HINT3: variants seen among roughly 807,000 people sequenced by gnomAD.
The protein encoded by HINT3 is histidine triad nucleotide binding protein 3.
In HINT3, 16 loss-of-function variants were observed where a neutral mutation model predicts 19.1. The ratio of observed to expected loss-of-function variants is 0.84; its 90% CI spans 0.57 to 1.27. The LOEUF (loss-of-function observed/expected upper bound fraction) is 1.27. Among genes scored for constraint, HINT3 ranks in the 50% most tolerant of loss-of-function variants. The probability of loss-of-function intolerance (pLI) is 0.00; values close to 1 mark genes in which losing one functional copy is unlikely to be tolerated. For missense variants in HINT3, 197 were observed against 225.8 expected, an observed-to-expected ratio of 0.87 and a Z score of 0.82; for synonymous variants, 75 against 84.8, an observed-to-expected ratio of 0.88 and a Z score of 0.63.
intron 3 of HINT3, among the ~76,000 whole-genome samples, chr6:125,973,126 A>G (rs961373787): frequency 1.8e-5 from 2 of 109,830 alleles, no homozygotes; most frequent in Non-Finnish European, 3.3e-5. Context: ...CCCAGGCTGG[A>G]GTGCAGTGGT....
chr6:125,972,871 G>T (rs1387751837), intron 3 of HINT3, among the ~76,000 whole-genome samples: 3 of 152,054 alleles, frequency 2.0e-5, no homozygotes, highest in East Asian at 1.9e-4. Context: ...GATTACAGGT[G>T]TGAGTCACCA....
chr6:125,956,796 G>T lies in HINT3; in HGVS notation c.-182G>T, dbSNP rs1788838527. 3 of 679,676 alleles carry T rather than the reference G, an allele frequency of 4.4e-6. No homozygotes were observed. The highest frequency in any genetic ancestry group is 7.3e-6 in the Non-Finnish European group (3 of 411,706). 42.1% of individuals were successfully genotyped at this position (679,676 alleles called of 1,614,324 possible). A position where few individuals can be genotyped will look rare whatever the true frequency, so the allele number is the denominator to read the frequency against. ...TCTAGTGGCAGCCGGTTTTGAGGCC[G>T]GCCTCCGGCTTTGAAGTTCCTCACC... On this transcript the variant is annotated 5_prime_UTR_variant, in exon 1 of 5. Transcript: ENST00000229633.
intron 2 of HINT3, among the ~76,000 whole-genome samples, chr6:125,970,912 A>G (rs903874553): frequency 1.3e-5 from 2 of 152,184 alleles, no homozygotes; most frequent in Admixed American, 6.5e-5. Flanking sequence ...TTTGGACTCT[A>G]TGGTACTGAC....
intron 3 of HINT3, 61 bp downstream of exon 3, chr6:125,972,389 T>C (rs1485207879): frequency 4.9e-6 from 5 of 1,025,996 alleles, no homozygotes; most frequent in Non-Finnish European, 4.2e-6. Context: ...CAAAATGTCA[T>C]TTCTCCATGG....
intron 1 of HINT3, among the ~76,000 whole-genome samples, chr6:125,964,373 A>T (rs186745484): frequency 3.4e-5 from 5 of 147,366 alleles, no homozygotes; most frequent in Admixed American, 2.8e-4. Context: ...TCTAGCATCC[A>T]TTCTCTTGTC....
At chr6:125,974,198 T>C (rs1250145810) in intron 3 of HINT3, among the ~76,000 whole-genome samples, 1 of 152,238 alleles carries the variant, frequency 6.6e-6, no homozygotes, top group East Asian at 1.9e-4. Flanking sequence ...AAAATTTTTG[T>C]AAGCTTATTT....
chr6:125,962,227 TATATATACAC>T (rs1562212153), intron 1 of HINT3, among the ~76,000 whole-genome samples: 10 of 37,158 alleles, frequency 2.7e-4, no homozygotes, highest in African/African-American at 9.0e-4. Context: ...TATATATATA[TATATATACAC>T]ATATATATAT....
rs554638960 is a variant in HINT3 at position 125,966,962 on chromosome 6, A to G, written c.277A>G (p.Ile93Val). 21 of 1,613,058 alleles carry G rather than the reference A, an allele frequency of 1.3e-5. No homozygotes were observed. The South Asian group carries it at 2.2e-4, about 17-fold the overall frequency. The change falls in exon 2 of 5, where the codon ATT (isoleucine) becomes GTT (valine). Residue 93 changes from isoleucine (I) to valine (V), a missense_variant. Physicochemically the swap from Ile to Val is conservative, Grantham distance 29. Transcript: ENST00000229633. ...HHYLVVPKKHIGNCRTLRKDQ... is the reference protein window; with the variant it reads ...HHYLVVPKKHVGNCRTLRKDQ... ...TTATCTTGTGGTGCCAAAGAAGCAT[A>G]TTGGAAACTGCAGAACTCTAAGGAA...
chr6:125,976,671 C>T (rs978874308), intron 4 of HINT3, among the ~76,000 whole-genome samples: 1 of 151,216 alleles, frequency 6.6e-6, no homozygotes, highest in Non-Finnish European at 1.5e-5. Flanking sequence ...ATAGGAAATA[C>T]TTTTTTACTT....
intron 2 of HINT3, 131 bp downstream of exon 2, chr6:125,967,135 A>C (rs1437322973): frequency 9.1e-6 from 5 of 546,526 alleles, no homozygotes; most frequent in Non-Finnish European, 1.6e-5. Context: ...TGAAATTTTC[A>C]CTATAAAGAA....
chr6:125,977,517 T>C (rs973332076), intron 4 of HINT3, 127 bp from the exon 5 acceptor site: 4 of 438,092 alleles, frequency 9.1e-6, no homozygotes, highest in African/African-American at 4.1e-5. Context: ...TTTTGTAAGA[T>C]ATTTTTAGGA....
At chr6:125,959,639 C>G (rs1020437229) in intron 1 of HINT3, among the ~76,000 whole-genome samples, 1 of 152,176 alleles carries the variant, frequency 6.6e-6, no homozygotes, top group Non-Finnish European at 1.5e-5. Flanking sequence ...ACAGACAACT[C>G]TCACAGGAAT....
In HINT3 at chr6:125,978,255, T is replaced by C. The variant is rs1789204346; in HGVS notation, c.*579T>C. ...TTCACTTTTTGAAGCATTGCATCTT[T>C]TTAATAAATCTATCCTGAAAGCTAT... On this transcript the variant is annotated 3_prime_UTR_variant, in exon 5 of 5. Coordinates refer to ENST00000229633, the MANE Select transcript of HINT3 (RefSeq NM_138571.5). 6.6e-6 allele frequency: 1 copy of C among 152,088 alleles called. No individual in the cohort carries two copies. Among genetic ancestry groups the C allele is most frequent in the Non-Finnish European group, 1.5e-5 (1 of 67,974 alleles). The allele number at this position is 152,088 out of a possible 1,614,324, so 9.4% of individuals were successfully genotyped here. A position where few individuals can be genotyped will look rare whatever the true frequency, so the allele number is the denominator to read the frequency against.
chr6:125,964,681 T>C (rs1284765902), intron 1 of HINT3, among the ~76,000 whole-genome samples: 1 of 151,966 alleles, frequency 6.6e-6, no homozygotes, highest in East Asian at 1.9e-4. Flanking sequence ...TTATGAATGT[T>C]TGGTTTATTT....
chr6:125,971,937 T>G (rs561989477), intron 2 of HINT3, among the ~76,000 whole-genome samples: 13 of 152,246 alleles, frequency 8.5e-5, no homozygotes, highest in Admixed American at 8.5e-4. Context: ...GGTCTCGATC[T>G]CCTGACCTCG....
At chr6:125,958,550 G>A (rs1235414491) in intron 1 of HINT3, among the ~76,000 whole-genome samples, 2 of 152,200 alleles carry the variant, frequency 1.3e-5, no homozygotes, top group Non-Finnish European at 2.9e-5. Context: ...CCCTGATGAT[G>A]GCCTGAAATG....
At chr6:125,962,628 T>C (rs1788960630) in intron 1 of HINT3, among the ~76,000 whole-genome samples, 1 of 152,240 alleles carries the variant, frequency 6.6e-6, no homozygotes, top group East Asian at 1.9e-4. Context: ...TTTGGAAAAA[T>C]TGGAGTTACC....
At chr6:125,977,089 C>G (rs1454506482) in intron 4 of HINT3, among the ~76,000 whole-genome samples, 2 of 152,092 alleles carry the variant, frequency 1.3e-5, no homozygotes. Context: ...CCATAGTTTA[C>G]TTTTGAGTTG....
intron 2 of HINT3, among the ~76,000 whole-genome samples, chr6:125,968,151 C>T (rs75259254): frequency 7.3e-4 from 111 of 152,284 alleles, no homozygotes; most frequent in African/African-American, 2.6e-3. Context: ...GTTTTCACCT[C>T]TTGCCCCCAT....
Sources: allele counts gnomAD v4.1 joint callset (sites outside exome capture counted in the v4.1 genomes callset), GRCh38; gene constraint gnomAD v4.1.1; transcripts MANE v1.5; gene names NCBI Gene and HGNC (gene_info 2026-07-23, HGNC 2026-07-21).